Variants in KSR2 observed in about 807,000 individuals in gnomAD.
KSR2 encodes kinase suppressor of ras 2.
Under a neutral mutation model 107.8 loss-of-function variants are expected in KSR2, and 25 were observed. That is an observed-to-expected ratio of 0.23 (90% CI 0.17 to 0.32). The LOEUF is 0.32. Ranked by LOEUF, KSR2 falls within the 10% of genes least tolerant of loss-of-function variation. The probability of loss-of-function intolerance (pLI) is 1.00; values close to 1 mark genes in which losing one functional copy is unlikely to be tolerated. For missense variants in KSR2, 887 were observed against 1,268.9 expected (o/e 0.70, Z 4.57); for synonymous variants, 480 against 507.0 (o/e 0.95, Z 0.71).
At chr12:117,534,266 G>A (rs976385609) in intron 10 of KSR2, among the ~76,000 whole-genome samples, 2 of 152,164 alleles carry the variant, frequency 1.3e-5, no homozygotes, top group Non-Finnish European at 2.9e-5. Context: ...ATCCCATGGA[G>A]TCTCACATAA....
intron 3 of KSR2, among the ~76,000 whole-genome samples, chr12:117,784,372 C>T (rs966266158): frequency 5.9e-5 from 9 of 152,186 alleles, no homozygotes; most frequent in Admixed American, 5.2e-4. Flanking sequence ...CGTCCCTTTG[C>T]TCTTCCTTCC....
intron 1 of KSR2, among the ~76,000 whole-genome samples, chr12:117,891,573 A>G (rs900760550): frequency 1.3e-5 from 2 of 152,178 alleles, no homozygotes; most frequent in African/African-American, 4.8e-5. Flanking sequence ...CTCCATTTCT[A>G]TAATAAATAT....
intron 14 of KSR2, among the ~76,000 whole-genome samples, chr12:117,502,981 A>G (rs1044518266): frequency 2.0e-5 from 3 of 152,168 alleles, no homozygotes; most frequent in African/African-American, 7.2e-5. Context: ...GGACACTGAG[A>G]GGAAAACAAA....
At chr12:117,518,320 C>A (rs1331323863) in intron 14 of KSR2, among the ~76,000 whole-genome samples, 1 of 152,128 alleles carries the variant, frequency 6.6e-6, no homozygotes, top group African/African-American at 2.4e-5. Flanking sequence ...CAGTCTGAGC[C>A]CCTCAATTAC....
At chr12:117,942,070 T>C (rs1382180745) in intron 1 of KSR2, among the ~76,000 whole-genome samples, 1 of 152,184 alleles carries the variant, frequency 6.6e-6, no homozygotes, top group Non-Finnish European at 1.5e-5. Flanking sequence ...TTTCTCTTTT[T>C]GCTTACTTTT....
chr12:117,678,049 C>T (rs1320687333), intron 4 of KSR2, among the ~76,000 whole-genome samples: 1 of 152,044 alleles, frequency 6.6e-6, no homozygotes, highest in African/African-American at 2.4e-5. Context: ...GTTCTTCTGC[C>T]TCAGCCTCCC....
rs550944171 is a variant in KSR2, at chr12:117,476,446, A to C, written c.2582+18T>G. Reference sequence around the variant, plus strand: ...GCCCAGGCTGTGGCTCTCAATGGCCAGGGCAGGGCCCACTTACCCAAGGGC... The same window carrying C: ...GCCCAGGCTGTGGCTCTCAATGGCCCGGGCAGGGCCCACTTACCCAAGGGC... On this transcript the variant is annotated intron_variant, in intron 17 of 19. Coordinates refer to ENST00000339824, the MANE Select transcript of KSR2 (RefSeq NM_173598.6). 6.3e-7 allele frequency: 1 copy of C among 1,578,790 alleles called. No homozygotes were observed. The highest frequency in any genetic ancestry group is 2.3e-5 in the East Asian group (1 of 43,414).
At chr12:117,960,713 G>A (rs902938780) in intron 1 of KSR2, among the ~76,000 whole-genome samples, 6 of 151,868 alleles carry the variant, frequency 4.0e-5, no homozygotes, top group African/African-American at 1.5e-4. Flanking sequence ...GAGGTAGGTT[G>A]TTCTATAGCA....
intron 4 of KSR2, among the ~76,000 whole-genome samples, chr12:117,721,622 C>T (rs547186408): frequency 6.6e-6 from 1 of 152,338 alleles, no homozygotes; most frequent in East Asian, 1.9e-4. Context: ...ACGACCACTG[C>T]TGCCTCCTCC....
chr12:117,587,873 G>A (rs1228407028), intron 5 of KSR2, among the ~76,000 whole-genome samples: 1 of 152,178 alleles, frequency 6.6e-6, no homozygotes, highest in African/African-American at 2.4e-5. Context: ...TCCCTCTGGC[G>A]GTCGAGGGGA....
intron 5 of KSR2, among the ~76,000 whole-genome samples, chr12:117,620,216 C>G (rs200624360): frequency 1.3e-5 from 2 of 152,120 alleles, no homozygotes; most frequent in Non-Finnish European, 2.9e-5. Flanking sequence ...CGTCTAAAAG[C>G]TTTTTCTCCC....
At chr12:117,596,521 G>A (rs1047354859) in intron 5 of KSR2, among the ~76,000 whole-genome samples, 31 of 152,256 alleles carry the variant, frequency 2.0e-4, no homozygotes, top group South Asian at 1.5e-3. Context: ...ACCTCGTAGC[G>A]AAACACAGTG....
At chr12:117,739,223 C>T (rs537146772) in intron 4 of KSR2, among the ~76,000 whole-genome samples, 160 of 152,016 alleles carry the variant, frequency 1.1e-3, no homozygotes, top group African/African-American at 3.7e-3. Flanking sequence ...GGCGTGGTAG[C>T]GGGCGCCTGT....
At chr12:117,827,207 C>T (rs1891793015) in intron 3 of KSR2, among the ~76,000 whole-genome samples, 1 of 152,108 alleles carries the variant, frequency 6.6e-6, no homozygotes, top group South Asian at 2.1e-4. Flanking sequence ...AGAAGGTGTA[C>T]CTGCTCCTGG....
chr12:117,847,609 C>A lies in KSR2; in HGVS notation c.472+7819G>T, dbSNP rs547362244. 2.0e-5 allele frequency among the ~76,000 whole-genome samples: 3 copies of A among 152,124 alleles called. No homozygotes were observed. In the East Asian group the frequency reaches 5.8e-4, roughly 29 times the overall value. On this transcript the variant is annotated intron_variant, in intron 3 of 19. Transcript: ENST00000339824. ...TGCAGCCAGAGTGTTATTTAAAAACCGGAAAAGAGATCCAGACACCTTCTG... is the reference window on the plus strand; with the variant it reads ...TGCAGCCAGAGTGTTATTTAAAAACAGGAAAAGAGATCCAGACACCTTCTG...
chr12:117,526,286 G>T (rs1346269447), intron 13 of KSR2, among the ~76,000 whole-genome samples: 1 of 152,028 alleles, frequency 6.6e-6, no homozygotes, highest in Admixed American at 6.6e-5. Context: ...GATATCTAGG[G>T]GTGCTTGGGG....
At chr12:117,775,642 AGTACCCAG>A (rs1889659785) in intron 3 of KSR2, among the ~76,000 whole-genome samples, 1 of 152,212 alleles carries the variant, frequency 6.6e-6, no homozygotes, top group African/African-American at 2.4e-5. Context: ...ATAGGAAACG[AGTACCCAG>A]GGGATAGGAA....
At chr12:117,955,876 A>G (rs1896497956) in intron 1 of KSR2, among the ~76,000 whole-genome samples, 1 of 151,528 alleles carries the variant, frequency 6.6e-6, no homozygotes, top group Non-Finnish European at 1.5e-5. Flanking sequence ...AGGAAAGTAC[A>G]TACAGGTGAA....
chr12:117,803,635 G>A (rs1274861309), intron 3 of KSR2, among the ~76,000 whole-genome samples: 3 of 152,022 alleles, frequency 2.0e-5, no homozygotes, highest in East Asian at 1.9e-4. Context: ...CCCGGGAGGC[G>A]GAGCTTGCAA....
Sources: gnomAD v4.1 joint callset for allele counts (sites outside exome capture counted in the v4.1 genomes callset) on GRCh38, gnomAD v4.1.1 for gene constraint, MANE v1.5 for transcripts, NCBI Gene and HGNC (gene_info 2026-07-23, HGNC 2026-07-21) for gene names.